Variants in ZBTB20 observed in about 807,000 individuals in gnomAD.
ZBTB20 encodes zinc finger and BTB domain containing 20, also known as zinc finger and BTB domain-containing protein 20.
Under a neutral mutation model 56.9 loss-of-function variants are expected in ZBTB20, and 9 were observed. That is an observed-to-expected ratio of 0.16 (90% confidence interval 0.10 to 0.28). The LOEUF (loss-of-function observed/expected upper bound fraction) is 0.28, where lower values mean the gene tolerates loss of function less well. Ranked by LOEUF, ZBTB20 falls within the 10% of genes least tolerant of loss-of-function variation. The probability of loss-of-function intolerance (pLI) is 1.00; values close to 1 mark genes in which losing one functional copy is unlikely to be tolerated. For missense variants in ZBTB20, 655 were observed against 1,003.0 expected (o/e 0.65, Z 4.69); for synonymous variants, 417 against 420.7 (o/e 0.99, Z 0.11).
At chr3:114,662,151 G>A (rs982998034) in intron 6 of ZBTB20, among the ~76,000 whole-genome samples, 11 of 149,586 alleles carry the variant, frequency 7.4e-5, no homozygotes, top group African/African-American at 2.5e-4. Flanking sequence ...GAGAATATAC[G>A]GTGTTTGGTT....
chr3:114,397,049 T>C (rs944984337), intron 7 of ZBTB20, among the ~76,000 whole-genome samples: 5 of 152,188 alleles, frequency 3.3e-5, no homozygotes, highest in Non-Finnish European at 7.3e-5. Context: ...TCCAGTTTGA[T>C]CTTGCCCCAT....
rs981873517 is a variant in ZBTB20, at chr3:114,912,505, G to C, written c.-455-12163C>G. ...AACACAGTAAGTATATATATTTATGGGGTACATGAGATATTTTGATATAGG... is the reference window on the plus strand; with the variant it reads ...AACACAGTAAGTATATATATTTATGCGGTACATGAGATATTTTGATATAGG... On this transcript the variant is annotated intron_variant, in intron 3 of 11. Transcript: ENST00000675478. 2.0e-5 allele frequency among the ~76,000 whole-genome samples: 3 copies of C among 150,854 alleles called. No homozygotes were observed. The Admixed American group carries it at 2.0e-4, about 10-fold the overall frequency.
intron 3 of ZBTB20, among the ~76,000 whole-genome samples, chr3:114,964,713 AT>A (rs2077583169): frequency 6.6e-6 from 1 of 152,088 alleles, no homozygotes. Flanking sequence ...ATGGGAAGAG[AT>A]ATGGGAGTTT....
chr3:115,019,146 AT>A (rs2080101033), intron 2 of ZBTB20, among the ~76,000 whole-genome samples: 1 of 151,386 alleles, frequency 6.6e-6, no homozygotes, highest in Non-Finnish European at 1.5e-5. Flanking sequence ...AAAAGAAAAA[AT>A]CTAATTTTTC....
rs1272150765 is a variant in ZBTB20, at chr3:114,351,055, C to G, written c.1023G>C (p.Gly341=). ...QEMEDDYDYY[G]QQRVQILERN... is the part of the protein sequence containing the mutation. ...GTTCCAGGATCTGCACCCTTTGCTGCCCGTAGTAGTCGTAATCGTCCTCCA... is the reference window on the plus strand; with the variant it reads ...GTTCCAGGATCTGCACCCTTTGCTGGCCGTAGTAGTCGTAATCGTCCTCCA... Residue 341 remains glycine, a synonymous_variant, in exon 11 of 12, where the codon GGG becomes GGC. Transcript: ENST00000675478. 4.3e-6 allele frequency: 7 copies of G among 1,611,922 alleles called. No homozygotes were observed. Among genetic ancestry groups the G allele is most frequent in the Non-Finnish European group, 5.9e-6 (7 of 1,179,922 alleles).
chr3:114,533,724 A>G (rs1200569737), intron 6 of ZBTB20, among the ~76,000 whole-genome samples: 1 of 152,200 alleles, frequency 6.6e-6, no homozygotes, highest in Non-Finnish European at 1.5e-5. Context: ...AAAAATGTTA[A>G]GGGCAGCCAG....
chr3:114,696,010 A>G (rs529467020), intron 5 of ZBTB20, among the ~76,000 whole-genome samples: 1 of 152,026 alleles, frequency 6.6e-6, no homozygotes, highest in African/African-American at 2.4e-5. Context: ...AAATACATTA[A>G]ATATATATAT....
intron 4 of ZBTB20, among the ~76,000 whole-genome samples, chr3:114,870,951 A>G (rs2075981105): frequency 6.6e-6 from 1 of 151,682 alleles, no homozygotes; most frequent in African/African-American, 2.4e-5. Flanking sequence ...CCCCTCCCCT[A>G]TGATCACTTT....
intron 4 of ZBTB20, among the ~76,000 whole-genome samples, chr3:114,875,016 C>A (rs1576190441): frequency 6.6e-6 from 1 of 152,144 alleles, no homozygotes; most frequent in South Asian, 2.1e-4. Context: ...AGTCCTCTTT[C>A]TTTTCCTATT....
intron 1 of ZBTB20, among the ~76,000 whole-genome samples, chr3:115,142,294 T>A (rs2084833271): frequency 6.6e-6 from 1 of 152,046 alleles, no homozygotes; most frequent in Non-Finnish European, 1.5e-5. Context: ...CGATCAACCA[T>A]CCTTACCAGA....
Position 114,484,614 on chromosome 3 carries a change from G to A in ZBTB20, c.-255+15738C>T, listed in dbSNP as rs568716000. On this transcript the variant is annotated intron_variant, in intron 7 of 11. Transcript: ENST00000675478. ...ACTGCAAGAGCCAAAGCACTGTCAT[G>A]TGCAGGTAGATGTCCCTGATTCCAT... 3.3e-5 allele frequency among the ~76,000 whole-genome samples: 5 copies of A among 152,346 alleles called. No homozygotes were observed. In the South Asian group the frequency reaches 6.2e-4, roughly 19 times the overall value.
rs2055605526 is a variant in ZBTB20, at chr3:114,590,235, A to G, written c.-294-89844T>C. On this transcript the variant is annotated intron_variant, in intron 6 of 11. Transcript: ENST00000675478. ...TTTGGGAGGGCGAGGCGGGCGGATC[A>G]CCTGAGGTCAGGAGTTTGAGACCAA... 2.6e-5 allele frequency among the ~76,000 whole-genome samples: 4 copies of G among 152,198 alleles called. No homozygotes were observed. The South Asian group carries it at 6.2e-4, about 24-fold the overall frequency.
intron 1 of ZBTB20, among the ~76,000 whole-genome samples, chr3:115,093,072 G>A (rs1274305624): frequency 6.6e-6 from 1 of 151,858 alleles, no homozygotes; most frequent in Non-Finnish European, 1.5e-5. Flanking sequence ...GGAAACTGAG[G>A]GACAGAGAGA....
intron 3 of ZBTB20, among the ~76,000 whole-genome samples, chr3:114,916,315 T>C (rs1171906521): frequency 6.6e-6 from 1 of 152,136 alleles, no homozygotes; most frequent in Non-Finnish European, 1.5e-5. Context: ...ACCTTCTTTA[T>C]CTCTTCTTGT....
At chr3:114,439,081 A>C (rs569857136) in intron 7 of ZBTB20, among the ~76,000 whole-genome samples, 1 of 152,262 alleles carries the variant, frequency 6.6e-6, no homozygotes, top group South Asian at 2.1e-4. Flanking sequence ...GGCTTCTGCG[A>C]CATTTGTCAC....
chr3:114,521,558 GCAC>G (rs1435689196), intron 6 of ZBTB20, among the ~76,000 whole-genome samples: 1 of 151,890 alleles, frequency 6.6e-6, no homozygotes, highest in Non-Finnish European at 1.5e-5. Flanking sequence ...CATCCCCATT[GCAC>G]CACATTAGCT....
intron 4 of ZBTB20, among the ~76,000 whole-genome samples, chr3:114,844,691 C>T (rs1579124947): frequency 6.6e-6 from 1 of 151,236 alleles, no homozygotes; most frequent in African/African-American, 2.4e-5. Context: ...ACTTATGAGG[C>T]TTCCAGTTTC....
At chr3:115,141,773 T>C (rs558476496) in intron 1 of ZBTB20, among the ~76,000 whole-genome samples, 10 of 152,348 alleles carry the variant, frequency 6.6e-5, no homozygotes, top group African/African-American at 2.4e-4. Flanking sequence ...GAAATGACTG[T>C]GTCTAGCCAA....
chr3:114,604,823 T>C (rs1430378807), intron 6 of ZBTB20, among the ~76,000 whole-genome samples: 1 of 152,060 alleles, frequency 6.6e-6, no homozygotes, highest in Non-Finnish European at 1.5e-5. Context: ...AAATATAAAA[T>C]GACATTAGTG....
Sources: allele counts gnomAD v4.1 joint callset (sites outside exome capture counted in the v4.1 genomes callset), GRCh38; gene constraint gnomAD v4.1.1; transcripts MANE v1.5; gene names NCBI Gene and HGNC (gene_info 2026-07-23, HGNC 2026-07-21).